The following VAV3 variants were observed in gnomAD, a reference collection of about 807,000 sequenced individuals.
The protein encoded by VAV3 is vav guanine nucleotide exchange factor 3.
In VAV3, 94 loss-of-function variants were observed where a neutral mutation model predicts 131.2. The observed-to-expected ratio is 0.72, with a 90% CI of 0.61 to 0.85. VAV3 has a LOEUF of 0.85. Ranked by LOEUF, VAV3 falls within the 40% of genes least tolerant of loss-of-function variation. VAV3 has a pLI of 0.00. For missense variants in VAV3, 939 were observed against 1,002.7 expected (o/e 0.94, Z 0.86); for synonymous variants, 349 against 342.0 (o/e 1.02, Z -0.22).
At position 107,770,715 on chromosome 1, in the gene VAV3, T is replaced by C; in HGVS notation, c.569A>G (p.Asn190Ser). Residue 190 changes from asparagine (N) to serine (S), a missense_variant, in exon 6 of 27, where the codon AAT (asparagine) becomes AGT (serine). Asn to Ser is a conservative substitution (Grantham distance 46). Coordinates refer to ENST00000370056, the MANE Select transcript of VAV3 (RefSeq NM_006113.5). ...TGCTAGACAACAACTTCGTATATCATTTTCTGGACATTTCTGCAGTTAGAA... is the reference window on the plus strand; with the variant it reads ...TGCTAGACAACAACTTCGTATATCACTTTCTGGACATTTCTGCAGTTAGAA... Reference protein sequence around the residue: ...EEAHQPKCPENDIRSCCLAEI... With the variant: ...EEAHQPKCPESDIRSCCLAEI... 6.2e-6 allele frequency: 10 copies of C among 1,610,750 alleles called. No individual in the cohort carries two copies. Among genetic ancestry groups the C allele is most frequent in the Non-Finnish European group, 8.5e-6 (10 of 1,178,452 alleles).
At chr1:107,819,681 G>T (rs961020702) in intron 2 of VAV3, among the ~76,000 whole-genome samples, 1 of 152,052 alleles carries the variant, frequency 6.6e-6, no homozygotes, top group African/African-American at 2.4e-5. Context: ...ATTTATGTAG[G>T]ATTTCATAAT....
chr1:107,800,249 T>C (rs1666763833), intron 2 of VAV3, among the ~76,000 whole-genome samples: 1 of 151,664 alleles, frequency 6.6e-6, no homozygotes, highest in African/African-American at 2.4e-5. Context: ...ATTCAATATT[T>C]AATTTTTTGA....
chr1:107,919,703 A>C (rs1214282191), intron 1 of VAV3, among the ~76,000 whole-genome samples: 1 of 152,214 alleles, frequency 6.6e-6, no homozygotes, highest in Admixed American at 6.5e-5. Context: ...AAACATATAA[A>C]TACTAACATG....
chr1:107,749,053 G>A lies in VAV3; in HGVS notation c.1417C>T (p.His473Tyr), dbSNP rs1268374019. 6.2e-7 allele frequency: 1 copy of A among 1,610,142 alleles called. No homozygotes were observed. The highest frequency in any genetic ancestry group is 8.5e-7 in the Non-Finnish European group (1 of 1,178,188). Residue 473 changes from histidine to tyrosine, a missense_variant, in exon 15 of 27, where the codon CAT (histidine) becomes TAT (tyrosine). His to Tyr is a moderately conservative substitution (Grantham distance 83, BLOSUM62 2). Coordinates refer to ENST00000370056, the MANE Select transcript of VAV3 (RefSeq NM_006113.5). ...KKWSYGFYLI[H>Y]TQGQNGLEFY... Reference sequence around the variant, plus strand: ...TCTAACCCATTTTGTCCTTGGGTATGGATGAGGTAGAAGCCATAAGACCAC... The same window carrying A: ...TCTAACCCATTTTGTCCTTGGGTATAGATGAGGTAGAAGCCATAAGACCAC...
At chr1:107,675,696 T>C (rs1229487021) in intron 19 of VAV3, among the ~76,000 whole-genome samples, 1 of 152,088 alleles carries the variant, frequency 6.6e-6, no homozygotes, top group Non-Finnish European at 1.5e-5. Flanking sequence ...TTCAATTCTG[T>C]CCCCACAAAA....
At chr1:107,767,003 T>C (rs1342480269) in intron 7 of VAV3, among the ~76,000 whole-genome samples, 1 of 152,242 alleles carries the variant, frequency 6.6e-6, no homozygotes, top group Non-Finnish European at 1.5e-5. Context: ...ATAATCACTG[T>C]AAATTTTTTA....
chr1:107,787,936 C>T (rs1005390792), intron 2 of VAV3, among the ~76,000 whole-genome samples: 1 of 152,068 alleles, frequency 6.6e-6, no homozygotes, highest in African/African-American at 2.4e-5. Context: ...CTTTTCCTCC[C>T]CATTCCCAAT....
intron 20 of VAV3, among the ~76,000 whole-genome samples, chr1:107,634,668 C>T (rs981923100): frequency 4.6e-5 from 7 of 151,160 alleles, no homozygotes; most frequent in African/African-American, 1.7e-4. Flanking sequence ...AAGAAACTAC[C>T]ATCAGAGTGA....
chr1:107,575,400 A>G (rs1335284793), intron 25 of VAV3, among the ~76,000 whole-genome samples: 1 of 152,200 alleles, frequency 6.6e-6, no homozygotes, highest in Non-Finnish European at 1.5e-5. Context: ...ACTTGGCCAC[A>G]GGGATCTCTG....
At chr1:107,845,765 GAACA>G (rs1263222868) in intron 2 of VAV3, among the ~76,000 whole-genome samples, 4 of 151,996 alleles carry the variant, frequency 2.6e-5, no homozygotes, top group Non-Finnish European at 2.9e-5. Context: ...GAATGAAAAG[GAACA>G]AACAAAGACT....
At chr1:107,959,427 A>C (rs1414909992) in intron 1 of VAV3, among the ~76,000 whole-genome samples, 5 of 152,140 alleles carry the variant, frequency 3.3e-5, no homozygotes. Context: ...TTTGCCCACC[A>C]CATCACCAAA....
At chr1:107,927,371 C>A (rs1407174630) in intron 1 of VAV3, among the ~76,000 whole-genome samples, 1 of 152,102 alleles carries the variant, frequency 6.6e-6, no homozygotes, top group Non-Finnish European at 1.5e-5. Flanking sequence ...ACATTCCCAG[C>A]TGTGGTGGCT....
intron 2 of VAV3, among the ~76,000 whole-genome samples, chr1:107,810,190 T>A (rs1467214786): frequency 6.6e-6 from 1 of 152,200 alleles, no homozygotes; most frequent in Non-Finnish European, 1.5e-5. Flanking sequence ...ATTTTCAACC[T>A]TGCCTTTGGG....
rs112308282 is a variant in VAV3, at chr1:107,910,105, T to C, written c.205-35088A>G. Among the ~76,000 whole-genome samples, 5 of 152,314 alleles carry C rather than the reference T, an allele frequency of 3.3e-5. 1 individual carries two copies. Among genetic ancestry groups the C allele is most frequent in the African/African-American group, 1.2e-4 (5 of 41,560 alleles). ...TACGATGAAAGCATGATTATCCTCA[T>C]TTTACAGAAGAGGAAATGAACTTGA... On this transcript the variant is annotated intron_variant, in intron 1 of 26. Transcript: ENST00000370056.
chr1:107,700,978 T>A (rs1407380848), intron 17 of VAV3, among the ~76,000 whole-genome samples: 1 of 152,218 alleles, frequency 6.6e-6, no homozygotes, highest in African/African-American at 2.4e-5. Context: ...TCTTGACTTT[T>A]TAATAATTGC....
At chr1:107,940,031 T>C (rs1000160656) in intron 1 of VAV3, among the ~76,000 whole-genome samples, 3 of 152,156 alleles carry the variant, frequency 2.0e-5, no homozygotes, top group African/African-American at 7.2e-5. Flanking sequence ...TTTGAAGTGA[T>C]GGAGGAAAGA....
intron 1 of VAV3, among the ~76,000 whole-genome samples, chr1:107,960,460 C>T (rs1371328605): frequency 6.1e-5 from 9 of 147,052 alleles, no homozygotes; most frequent in Admixed American, 2.0e-4. Context: ...AGTAAGACTC[C>T]GTCTCAAAAA....
At chr1:107,753,559 C>CACACAT (rs1553201329) in intron 12 of VAV3, among the ~76,000 whole-genome samples, 22 of 92,456 alleles carry the variant, frequency 2.4e-4, no homozygotes, top group African/African-American at 8.6e-4. Flanking sequence ...TACACACACA[C>CACACAT]ACTTTTTTTT....
intron 18 of VAV3, among the ~76,000 whole-genome samples, chr1:107,687,079 G>C (rs1334935954): frequency 1.3e-5 from 2 of 152,070 alleles, no homozygotes; most frequent in East Asian, 3.9e-4. Flanking sequence ...AATCCTGATA[G>C]CCCTAGTGAA....
Sources: gnomAD v4.1 joint callset for allele counts (sites outside exome capture counted in the v4.1 genomes callset) on GRCh38, gnomAD v4.1.1 for gene constraint, MANE v1.5 for transcripts, NCBI Gene and HGNC (gene_info 2026-07-23, HGNC 2026-07-21) for gene names.